The following YEATS4 variants were observed in gnomAD, a reference collection of about 807,000 sequenced individuals.
YEATS4 encodes the protein YEATS domain containing 4.
A neutral mutation model predicts 30.1 loss-of-function variants in YEATS4; 17 were observed. The observed-to-expected ratio is 0.56, with a 90% CI of 0.39 to 0.85. YEATS4 has a LOEUF of 0.85. Ranked by LOEUF, YEATS4 falls within the 40% of genes least tolerant of loss-of-function variation. The pLI is 0.00. For missense variants in YEATS4, 142 were observed against 268.3 expected, an observed-to-expected ratio of 0.53 and a Z score of 3.29; for synonymous variants, 85 against 87.5, an observed-to-expected ratio of 0.97 and a Z score of 0.16.
chr12:69,407,702 C>CTTTTT, the YEATS4 span, among the ~76,000 whole-genome samples: 84 of 62,636 alleles, frequency 1.3e-3, no homozygotes, highest in African/African-American at 2.3e-3. Context: ...TACTTTTTGT[C>CTTTTT]TTTTTTTTTT....
At position 69,365,807 on chromosome 12, in the gene YEATS4, T is replaced by C. The variant is rs1435101236; in HGVS notation, c.256T>C (p.Tyr86His). 1 of 1,609,702 alleles carries C rather than the reference T, an allele frequency of 6.2e-7. No homozygotes were observed. The highest frequency in any genetic ancestry group is 2.2e-5 in the East Asian group (1 of 44,698). The change falls in exon 4 of 7, where the codon TAT becomes CAT. Residue 86 changes from tyrosine to histidine, a missense_variant. This residue lies in a region of YEATS4 where 64 missense variants were observed against 164.0 expected (regional missense o/e 0.39). Coordinates refer to ENST00000247843, the MANE Select transcript of YEATS4 (RefSeq NM_006530.4). ...GTCTTTAGTTGTTACTAAACCTCCA[T>C]ATGAAATTACTGAAACAGGATGGGG... ...NPLRVVTKPPYEITETGWGEF... is the reference protein window; with the variant it reads ...NPLRVVTKPPHEITETGWGEF...
chr12:69,394,754 C>A (rs1868339096), downstream of YEATS4, among the ~76,000 whole-genome samples: 1 of 152,104 alleles, frequency 6.6e-6, no homozygotes, highest in Admixed American at 6.6e-5. Flanking sequence ...CCTTCACCAC[C>A]ATGCCCAGCT....
the YEATS4 span, among the ~76,000 whole-genome samples, chr12:69,419,234 T>TTTTTG: frequency 0.029 from 4,273 of 145,686 alleles, 78 homozygotes; most frequent in Non-Finnish European, 0.05. Context: ...TTTTTTTTTT[T>TTTTTG]TTTAGAGACA....
chr12:69,397,314 A>T, the YEATS4 span, among the ~76,000 whole-genome samples: 2,146 of 152,316 alleles, frequency 0.014, 50 homozygotes, highest in African/African-American at 0.049. Context: ...AGAAGTAATT[A>T]TAATCATTAG....
chr12:69,409,646 A>T, the YEATS4 span, among the ~76,000 whole-genome samples: 1 of 151,960 alleles, frequency 6.6e-6, no homozygotes, highest in Admixed American at 6.6e-5. Flanking sequence ...ATATATATTA[A>T]CATGCTTCTT....
downstream of YEATS4, among the ~76,000 whole-genome samples, chr12:69,391,862 A>G (rs1868318704): frequency 6.6e-6 from 1 of 152,206 alleles, no homozygotes; most frequent in Admixed American, 6.5e-5. Context: ...TCAGCTGCCC[A>G]CGAATGTATT....
At chr12:69,426,172 T>C in the YEATS4 span, among the ~76,000 whole-genome samples, 1 of 151,910 alleles carries the variant, frequency 6.6e-6, no homozygotes. Flanking sequence ...AGCCCAGGAG[T>C]TGAGGCTACA....
In YEATS4 at chr12:69,370,979, A is replaced by G. The variant is rs1310584574; in HGVS notation, c.514+4A>G. 1.2e-6 allele frequency: 2 copies of G among 1,604,998 alleles called. No homozygotes were observed. The highest frequency in any genetic ancestry group is 1.7e-6 in the Non-Finnish European group (2 of 1,176,634). On this transcript the variant is annotated splice_donor_region_variant and intron_variant, in intron 6 of 6. Transcript: ENST00000247843. Reference sequence around the variant, plus strand: ...GCCTATAAGCATGAAACAGAATGTAAGTGCCATGCATTCATAATTCTGAAA... The same window carrying G: ...GCCTATAAGCATGAAACAGAATGTAGGTGCCATGCATTCATAATTCTGAAA...
chr12:69,420,891 G>T, the YEATS4 span, among the ~76,000 whole-genome samples: 7 of 152,150 alleles, frequency 4.6e-5, no homozygotes, highest in Non-Finnish European at 8.8e-5. Flanking sequence ...TACATGGATG[G>T]AATAATGATG....
At chr12:69,408,098 G>A in the YEATS4 span, among the ~76,000 whole-genome samples, 14 of 152,128 alleles carry the variant, frequency 9.2e-5, no homozygotes, top group African/African-American at 2.9e-4. Context: ...GGGCTGAATC[G>A]GAAGAGAACT....
intron 6 of YEATS4, among the ~76,000 whole-genome samples, chr12:69,379,100 C>A (rs927036635): frequency 3.3e-5 from 5 of 152,164 alleles, no homozygotes; most frequent in Admixed American, 1.3e-4. Flanking sequence ...TATAAAGTTT[C>A]CACTGAAAAG....
intron 6 of YEATS4, 85 bp from the exon 7 acceptor site, chr12:69,390,062 G>T: frequency 1.8e-6 from 2 of 1,082,314 alleles, no homozygotes; most frequent in Non-Finnish European, 2.5e-6. Context: ...AAACATTGTC[G>T]TCAGGAAATG....
At chr12:69,375,005 G>A (rs1470822460) in intron 6 of YEATS4, among the ~76,000 whole-genome samples, 2 of 70,998 alleles carry the variant, frequency 2.8e-5, no homozygotes, top group African/African-American at 1.7e-4. Flanking sequence ...CCGGGCGGGG[G>A]CTGCCCCCAC....
chr12:69,395,592 T>C (rs1173533834), downstream of YEATS4, among the ~76,000 whole-genome samples: 1 of 152,184 alleles, frequency 6.6e-6, no homozygotes, highest in Non-Finnish European at 1.5e-5. Context: ...TGTATCTAAA[T>C]ATTTAGCTTT....
At chr12:69,422,045 G>A in the YEATS4 span, among the ~76,000 whole-genome samples, 1 of 152,138 alleles carries the variant, frequency 6.6e-6, no homozygotes, top group Non-Finnish European at 1.5e-5. Flanking sequence ...AGTCTGATGG[G>A]TGTGTTATGG....
chr12:69,424,622 C>T, the YEATS4 span, among the ~76,000 whole-genome samples: 1 of 152,148 alleles, frequency 6.6e-6, no homozygotes, highest in Non-Finnish European at 1.5e-5. Context: ...GGGCAGATTT[C>T]TCCCATGCTG....
At chr12:69,423,282 C>G in the YEATS4 span, among the ~76,000 whole-genome samples, 1 of 151,984 alleles carries the variant, frequency 6.6e-6, no homozygotes, top group Non-Finnish European at 1.5e-5. Flanking sequence ...TTCTGGGTAC[C>G]GGGCTAAACT....
the YEATS4 span, among the ~76,000 whole-genome samples, chr12:69,420,766 G>A: frequency 6.6e-6 from 1 of 151,990 alleles, no homozygotes; most frequent in African/African-American, 2.4e-5. Context: ...ACACACTGGG[G>A]GAGAAAAAGA....
intron 6 of YEATS4, among the ~76,000 whole-genome samples, chr12:69,371,710 G>A (rs902384088): frequency 6.6e-6 from 1 of 152,160 alleles, no homozygotes; most frequent in Non-Finnish European, 1.5e-5. Flanking sequence ...AAGCCCTATC[G>A]TCATGGGTCC....
Sources: gnomAD v4.1 joint callset for allele counts (sites outside exome capture counted in the v4.1 genomes callset) on GRCh38, gnomAD v4.1.1 for gene constraint, gnomAD v4.1.1 regional missense constraint, MANE v1.5 for transcripts, NCBI Gene and HGNC (gene_info 2026-07-23, HGNC 2026-07-21) for gene names.